The following MYF5 variants were observed in gnomAD, a reference collection of about 807,000 sequenced individuals.
The protein encoded by MYF5 is class C basic helix-loop-helix protein 2.
In MYF5, 20 loss-of-function variants were observed where a neutral mutation model predicts 22.3. The observed-to-expected ratio is 0.90, with a 90% CI of 0.63 to 1.30. The LOEUF is 1.30. Among genes scored for constraint, MYF5 ranks in the 50% most tolerant of loss-of-function variants. MYF5 has a pLI of 0.00. For missense variants in MYF5, 348 were observed against 325.9 expected (o/e 1.07, Z -0.52); for synonymous variants, 141 against 128.4 (o/e 1.10, Z -0.66).
Position 80,718,918 on chromosome 12 carries a change from A to T in MYF5, c.635A>T (p.Asp212Val), listed in dbSNP as rs1311852636. ...TTGGATTGCTTATCCAACATAGTGG[A>T]CCGGATCACCTCCTCAGAGCAACCT... ...SSLDCLSNIV[D>V]RITSSEQPGL... Residue 212 changes from aspartate to valine, a missense_variant, in exon 3 of 3, where the codon GAC becomes GTC. Coordinates refer to ENST00000228644, the MANE Select transcript of MYF5 (RefSeq NM_005593.3). 5 of 1,614,010 alleles carry T rather than the reference A, an allele frequency of 3.1e-6. No individual in the cohort carries two copies. The highest frequency in any genetic ancestry group is 4.2e-6 in the Non-Finnish European group (5 of 1,179,994).
intron 1 of MYF5, 61 bp downstream of exon 1, chr12:80,717,625 C>T: frequency 6.5e-7 from 1 of 1,550,198 alleles, no homozygotes; most frequent in East Asian, 2.3e-5. Context: ...CCTTACACCT[C>T]ATTTAACCTG....
In MYF5 at chr12:80,717,232, G is replaced by A. The variant is rs1305033035; in HGVS notation, c.169G>A (p.Ala57Thr). Residue 57 changes from alanine to threonine, a missense_variant, in exon 1 of 3, where the codon GCG becomes ACG. Physicochemically the swap from Ala to Thr is moderately conservative, Grantham distance 58. Transcript: ENST00000228644. ...QGSDEDEHVR[A>T]PTGHHQAGHC... ...CTCAGATGAGGACGAGCACGTGCGA[G>A]CGCCTACCGGCCACCACCAGGCTGG... 1.9e-6 allele frequency: 3 copies of A among 1,613,914 alleles called. No individual in the cohort carries two copies. Among genetic ancestry groups the A allele is most frequent in the African/African-American group, 2.7e-5 (2 of 74,926 alleles).
rs1868683217 is a variant in MYF5, at chr12:80,719,043, G to A, written c.760G>A (p.Val254Met). The A allele has an allele frequency of 6.2e-7, 1 of 1,613,806 alleles. No homozygotes were observed. Residue 254 changes from valine to methionine, a missense_variant, in exon 3 of 3, where the codon GTG (valine) becomes ATG (methionine). Transcript: ENST00000228644. ...TTCTAGTTCCAGGCTTATCTATCAT[G>A]TGCTATGAACTAATTTTCTGGTCTA... Reference protein sequence around the residue: ...GASSSRLIYHVL With the variant: ...GASSSRLIYHML
Position 80,717,236 on chromosome 12 carries a change from C to T in MYF5, c.173C>T (p.Pro58Leu), listed in dbSNP as rs753227049. ...GSDEDEHVRA[P>L]TGHHQAGHCL... ...GATGAGGACGAGCACGTGCGAGCGC[C>T]TACCGGCCACCACCAGGCTGGTCAC... Residue 58 changes from proline to leucine, a missense_variant, in exon 1 of 3, where the codon CCT becomes CTT. Physicochemically the swap from Pro to Leu is moderately conservative, Grantham distance 98 (BLOSUM62 -3). Coordinates refer to ENST00000228644, the MANE Select transcript of MYF5 (RefSeq NM_005593.3). The T allele has an allele frequency of 1.9e-6, 3 of 1,614,080 alleles. No homozygotes were observed. In the South Asian group the frequency reaches 3.3e-5, roughly 18 times the overall value.
At chr12:80,717,628 T>C in intron 1 of MYF5, 64 bp downstream of exon 1, 1 of 1,553,020 alleles carries the variant, frequency 6.4e-7, no homozygotes, top group Non-Finnish European at 8.7e-7. Context: ...TACACCTCAT[T>C]TAACCTGGTG....
rs1440068806 is a variant in MYF5, at chr12:80,717,063, G to A, written c.-1G>A. ...AGGTGCACCGCCTGCCTCTCAGCAG[G>A]ATGGACGTGATGGATGGCTGCCAGT... On this transcript the variant is annotated 5_prime_UTR_variant, in exon 1 of 3. Transcript: ENST00000228644. 6.3e-7 allele frequency: 1 copy of A among 1,598,688 alleles called. No individual in the cohort carries two copies. Among genetic ancestry groups the A allele is most frequent in the Non-Finnish European group, 8.5e-7 (1 of 1,175,424 alleles).
chr12:80,717,220 G>A lies in MYF5; in HGVS notation c.157G>A (p.Glu53Lys), dbSNP rs772940945. 1.4e-5 allele frequency: 22 copies of A among 1,614,018 alleles called. No homozygotes were observed. Among genetic ancestry groups the A allele is most frequent in the Middle Eastern group, 3.3e-4 (2 of 6,062 alleles). ...KAELQGSDED[E>K]HVRAPTGHHQ... ...AGAGCTGCAGGGCTCAGATGAGGAC[G>A]AGCACGTGCGAGCGCCTACCGGCCA... Residue 53 changes from glutamate to lysine, a missense_variant, in exon 1 of 3, where the codon GAG becomes AAG. Physicochemically the swap from Glu to Lys is moderately conservative, Grantham distance 56 (BLOSUM62 1). Transcript: ENST00000228644.
rs1030237398 is a variant in MYF5, at chr12:80,717,182, G to A, written c.119G>A (p.Gly40Glu). ...DEFVPRVAAF[G>E]AHKAELQGSD... ...TTTGTGCCGCGAGTGGCTGCCTTCG[G>A]AGCGCACAAAGCAGAGCTGCAGGGC... The change falls in exon 1 of 3, where the codon GGA (glycine) becomes GAA (glutamate). Residue 40 changes from glycine (G) to glutamate (E), a missense_variant. Coordinates refer to ENST00000228644, the MANE Select transcript of MYF5 (RefSeq NM_005593.3). 1 of 1,613,874 alleles carries A rather than the reference G, an allele frequency of 6.2e-7. No homozygotes were observed. Among genetic ancestry groups the A allele is most frequent in the African/African-American group, 1.3e-5 (1 of 74,926 alleles).
In MYF5 at chr12:80,719,155, C is replaced by A. The variant is rs1173440877; in HGVS notation, c.*104C>A. On this transcript the variant is annotated 3_prime_UTR_variant, in exon 3 of 3. Coordinates refer to ENST00000228644, the MANE Select transcript of MYF5 (RefSeq NM_005593.3). ...CAAGACAACATGTACATAAAGATTT[C>A]TTTTCAGTTGTAAATTTGTAAAGAT... 4 of 938,768 alleles carry A rather than the reference C, an allele frequency of 4.3e-6. No individual in the cohort carries two copies. Among genetic ancestry groups the A allele is most frequent in the Middle Eastern group, 3.2e-4 (1 of 3,140 alleles). The allele number at this position is 938,768 out of a possible 1,614,324, so 58.2% of individuals were successfully genotyped here. A position where few individuals can be genotyped will look rare whatever the true frequency, so the allele number is the denominator to read the frequency against.
chr12:80,717,048 C>T lies in MYF5; in HGVS notation c.-16C>T. The stretch of plus-strand genomic sequence containing the variant: ...CTCTCGCTGCCGTCCAGGTGCACCG[C>T]CTGCCTCTCAGCAGGATGGACGTGA... On this transcript the variant is annotated 5_prime_UTR_variant, in exon 1 of 3. Coordinates refer to ENST00000228644, the MANE Select transcript of MYF5 (RefSeq NM_005593.3). The T allele has an allele frequency of 6.3e-7, 1 of 1,581,534 alleles. No homozygotes were observed. Among genetic ancestry groups the T allele is most frequent in the Middle Eastern group, 1.7e-4 (1 of 5,950 alleles).
rs750854292 is a variant in MYF5, at chr12:80,717,021, C to A, written c.-43C>A. The A allele has an allele frequency of 6.4e-7, 1 of 1,558,076 alleles. No individual in the cohort carries two copies. Among genetic ancestry groups the A allele is most frequent in the Admixed American group, 1.7e-5 (1 of 58,060 alleles). The stretch of plus-strand genomic sequence containing the variant: ...GCGCCAGGCTCCCGTTTCTCCCCAT[C>A]CCTCTCGCTGCCGTCCAGGTGCACC... On this transcript the variant is annotated 5_prime_UTR_variant, in exon 1 of 3. Transcript: ENST00000228644.
At position 80,718,448 on chromosome 12, in the gene MYF5, C is replaced by T. The variant is rs190057240; in HGVS notation, c.577+15C>T. 127 of 1,593,230 alleles carry T rather than the reference C, an allele frequency of 8.0e-5. No individual in the cohort carries two copies. The African/African-American group carries it at 1.4e-3, about 18-fold the overall frequency. ...TGTATCAAATGGTAAGAATTGATAA[C>T]TTCACAGGAGTTTAAAGACCAGTTC... is the stretch of plus-strand genomic sequence containing the variant. On this transcript the variant is annotated intron_variant, in intron 2 of 2. Coordinates refer to ENST00000228644, the MANE Select transcript of MYF5 (RefSeq NM_005593.3).
rs779182149 is a variant in MYF5, at chr12:80,717,247, C to T, written c.184C>T (p.His62Tyr). The T allele has an allele frequency of 1.4e-5, 23 of 1,613,994 alleles. No homozygotes were observed. The highest frequency in any genetic ancestry group is 1.9e-5 in the Non-Finnish European group (22 of 1,180,048). ...GCACGTGCGAGCGCCTACCGGCCAC[C>T]ACCAGGCTGGTCACTGCCTCATGTG... ...DEHVRAPTGH[H>Y]QAGHCLMWAC... Residue 62 changes from histidine to tyrosine, a missense_variant, in exon 1 of 3, where the codon CAC becomes TAC. Coordinates refer to ENST00000228644, the MANE Select transcript of MYF5 (RefSeq NM_005593.3).
Position 80,717,306 on chromosome 12 carries a change from C to G in MYF5, c.243C>G (p.Thr81=), listed in dbSNP as rs753285844. 2 of 1,614,064 alleles carry G rather than the reference C, an allele frequency of 1.2e-6. No homozygotes were observed. Among genetic ancestry groups the G allele is most frequent in the Admixed American group, 1.7e-5 (1 of 60,024 alleles). ...AAGCCTGCAAGAGGAAGTCCACCAC[C>G]ATGGATCGGCGGAAGGCAGCCACTA... ...ACKACKRKST[T]MDRRKAATMR... is the part of the protein sequence containing the mutation. The change falls in exon 1 of 3, where the codon ACC becomes ACG. Residue 81 remains threonine, a synonymous_variant. Transcript: ENST00000228644.
chr12:80,718,276 G>T, intron 1 of MYF5, 82 bp from the exon 2 acceptor site: 1 of 1,101,870 alleles, frequency 9.1e-7, no homozygotes, highest in East Asian at 2.3e-5. Flanking sequence ...CAGAGCTGGT[G>T]GGCAAGCACA....
In MYF5 at chr12:80,719,151, A is replaced by T. The variant is rs1452889910; in HGVS notation, c.*100A>T. The T allele has an allele frequency of 2.1e-6, 2 of 968,354 alleles. No individual in the cohort carries two copies. Among genetic ancestry groups the T allele is most frequent in the African/African-American group, 1.7e-5 (1 of 60,288 alleles). 60.0% of individuals were successfully genotyped at this position (968,354 alleles called of 1,614,324 possible). Reference sequence around the variant, plus strand: ...AAACCAAGACAACATGTACATAAAGATTTCTTTTCAGTTGTAAATTTGTAA... The same window carrying T: ...AAACCAAGACAACATGTACATAAAGTTTTCTTTTCAGTTGTAAATTTGTAA... On this transcript the variant is annotated 3_prime_UTR_variant, in exon 3 of 3. Transcript: ENST00000228644.
At chr12:80,717,643 G>A in intron 1 of MYF5, 79 bp downstream of exon 1, 3 of 1,508,398 alleles carry the variant, frequency 2.0e-6, no homozygotes, top group Non-Finnish European at 2.7e-6. Context: ...CTGGTGTGGT[G>A]GGGAGAGTGG....
In MYF5 at chr12:80,718,617, G is replaced by A. The variant is rs374107776; in HGVS notation, c.577+184G>A. On this transcript the variant is annotated intron_variant, in intron 2 of 2. Coordinates refer to ENST00000228644, the MANE Select transcript of MYF5 (RefSeq NM_005593.3). ...CCAAATCCCCCTAGCAGACACGCAC[G>A]CACACATGCATACACACATGCACAC... Among the ~76,000 whole-genome samples, 29 of 152,136 alleles carry A rather than the reference G, an allele frequency of 1.9e-4. 1 individual carries two copies. Among genetic ancestry groups the A allele is most frequent in the Admixed American group, 5.2e-4 (8 of 15,280 alleles).
In MYF5 at chr12:80,719,010, C is replaced by G. The variant is rs1187358892; in HGVS notation, c.727C>G (p.Pro243Ala). 1.2e-6 allele frequency: 2 copies of G among 1,613,992 alleles called. No individual in the cohort carries two copies. The highest frequency in any genetic ancestry group is 1.7e-6 in the Non-Finnish European group (2 of 1,180,028). ...VASTDSQPATPGASSSRLIYH... is the reference protein window; with the variant it reads ...VASTDSQPATAGASSSRLIYH... ...CAGCACCGATTCACAGCCTGCAACT[C>G]CAGGGGCTTCTAGTTCCAGGCTTAT... The change falls in exon 3 of 3, where the codon CCA (proline) becomes GCA (alanine). Residue 243 changes from proline (P) to alanine (A), a missense_variant. Physicochemically the swap from Pro to Ala is conservative, Grantham distance 27. Transcript: ENST00000228644.
Sources: allele counts gnomAD v4.1 joint callset (sites outside exome capture counted in the v4.1 genomes callset), GRCh38; gene constraint gnomAD v4.1.1; transcripts MANE v1.5; gene names NCBI Gene and HGNC (gene_info 2026-07-23, HGNC 2026-07-21).